Variants in HECW1 observed in about 807,000 individuals in gnomAD.
The protein encoded by HECW1 is E3 ubiquitin-protein ligase HECW1.
HECW1 carries 61 observed loss-of-function variants against 182.3 expected under a neutral mutation model. That is an observed-to-expected ratio of 0.33 (90% confidence interval 0.27 to 0.41). The LOEUF (loss-of-function observed/expected upper bound fraction) is 0.41. HECW1 is among the 10% of genes least tolerant of loss of function. The pLI, the probability that HECW1 is intolerant of heterozygous loss-of-function variation, is 1.00. For missense variants in HECW1, 1,739 were observed against 2,108.9 expected, an observed-to-expected ratio of 0.82 and a Z score of 3.44; for synonymous variants, 859 against 832.6, an observed-to-expected ratio of 1.03 and a Z score of -0.55.
chr7:43,311,076 G>A (rs73689976), intron 3 of HECW1, among the ~76,000 whole-genome samples: 1,725 of 152,296 alleles, frequency 0.011, 37 homozygotes, highest in African/African-American at 0.04. Flanking sequence ...ATACAAAAAT[G>A]CATTTTTTCT....
At chr7:43,357,560 G>A (rs2152809959) in intron 5 of HECW1, among the ~76,000 whole-genome samples, 1 of 152,244 alleles carries the variant, frequency 6.6e-6, no homozygotes, top group Admixed American at 6.5e-5. Flanking sequence ...CAGAGACCAA[G>A]AAAGGTAGAA....
intron 16 of HECW1, among the ~76,000 whole-genome samples, chr7:43,470,530 C>T (rs2077977524): frequency 1.3e-5 from 2 of 152,192 alleles, no homozygotes; most frequent in South Asian, 4.2e-4. Context: ...TGTGACATCT[C>T]CTGGTCATCA....
intron 5 of HECW1, among the ~76,000 whole-genome samples, chr7:43,340,513 G>C (rs552990852): frequency 1.3e-5 from 2 of 151,336 alleles, no homozygotes; most frequent in Non-Finnish European, 1.5e-5. Context: ...GAGCCACTGC[G>C]CCCGGCCTCT....
At chr7:43,258,064 G>A (rs1800768521) in intron 3 of HECW1, among the ~76,000 whole-genome samples, 1 of 152,144 alleles carries the variant, frequency 6.6e-6, no homozygotes, top group Non-Finnish European at 1.5e-5. Context: ...TAAAGGCCAG[G>A]CGTGGTGGCT....
chr7:43,328,290 C>G (rs1811048114), intron 5 of HECW1, among the ~76,000 whole-genome samples: 1 of 151,038 alleles, frequency 6.6e-6, no homozygotes, highest in South Asian at 2.1e-4. Context: ...GGAGCAAGAC[C>G]TTGTCTCAAA....
At chr7:43,400,575 A>C (rs937966918) in intron 7 of HECW1, among the ~76,000 whole-genome samples, 2 of 152,214 alleles carry the variant, frequency 1.3e-5, no homozygotes, top group Non-Finnish European at 2.9e-5. Flanking sequence ...GAGAAGTAAA[A>C]TATTTATCAC....
chr7:43,358,051 T>G (rs1262166418), intron 5 of HECW1, among the ~76,000 whole-genome samples: 2 of 152,182 alleles, frequency 1.3e-5, no homozygotes, highest in Non-Finnish European at 2.9e-5. Context: ...TCAAAGGCAT[T>G]GAAATAATTT....
In HECW1 at chr7:43,312,104, A is replaced by G; in HGVS notation, c.352+17A>G. On this transcript the variant is annotated intron_variant, in intron 4 of 29. Transcript: ENST00000395891. ...ACCTCATTGGTGAGTAGAATGTGCC[A>G]AGTGTATTATTCATAATTCACTTTT... is the stretch of plus-strand genomic sequence containing the variant. 1 of 1,598,370 alleles carries G rather than the reference A, an allele frequency of 6.3e-7. No individual in the cohort carries two copies. Among genetic ancestry groups the G allele is most frequent in the South Asian group, 1.1e-5 (1 of 90,638 alleles).
At chr7:43,400,729 G>A (rs1164749509) in intron 7 of HECW1, among the ~76,000 whole-genome samples, 2 of 152,138 alleles carry the variant, frequency 1.3e-5, no homozygotes, top group Non-Finnish European at 2.9e-5. Flanking sequence ...GCTTTCTCTT[G>A]CTGCTATAAC....
intron 6 of HECW1, among the ~76,000 whole-genome samples, chr7:43,373,628 T>C (rs1469779818): frequency 1.3e-5 from 2 of 152,208 alleles, no homozygotes; most frequent in African/African-American, 4.8e-5. Flanking sequence ...TTTTTAATTG[T>C]GGTAAAATAT....
In HECW1 at chr7:43,479,740, G is replaced by C. The variant is rs267601513; in HGVS notation, c.3230G>C (p.Gly1077Ala). 1 of 1,613,832 alleles carries C rather than the reference G, an allele frequency of 6.2e-7. No individual in the cohort carries two copies. Among genetic ancestry groups the C allele is most frequent in the South Asian group, 1.1e-5 (1 of 91,052 alleles). ...HLQRLRSYSAGEASEVSRNRG... is the reference protein window; with the variant it reads ...HLQRLRSYSAAEASEVSRNRG... ...CAGAGGCTCCGAAGTTACAGCGCTGGAGAGGTAACCCTCCCTACACCCCGC... is the reference window on the plus strand; with the variant it reads ...CAGAGGCTCCGAAGTTACAGCGCTGCAGAGGTAACCCTCCCTACACCCCGC... The change falls in exon 17 of 30, where the codon GGA becomes GCA. Residue 1077 changes from glycine (G) to alanine (A), a missense_variant. Gly to Ala is a moderately conservative substitution (Grantham distance 60). Coordinates refer to ENST00000395891, the MANE Select transcript of HECW1 (RefSeq NM_015052.5).
chr7:43,550,357 G>A, intron 26 of HECW1, 88 bp from the exon 27 acceptor site: 1 of 1,433,900 alleles, frequency 7.0e-7, no homozygotes, highest in Non-Finnish European at 9.7e-7. Flanking sequence ...AGGATTTTTG[G>A]CATACGGTCA....
Position 43,552,354 on chromosome 7 carries a change from G to T in HECW1, c.4510+18G>T. The stretch of plus-strand genomic sequence containing the variant: ...CCGGGGAGGTGAGTGGGCAGGAGCT[G>T]TAATGATGCAATGATCACAAATAGA... On this transcript the variant is annotated intron_variant, in intron 28 of 29. Coordinates refer to ENST00000395891, the MANE Select transcript of HECW1 (RefSeq NM_015052.5). 3 of 1,389,202 alleles carry T rather than the reference G, an allele frequency of 2.2e-6. No individual in the cohort carries two copies. The highest frequency in any genetic ancestry group is 3.1e-6 in the Non-Finnish European group (3 of 974,478). 86.1% of individuals were successfully genotyped at this position (1,389,202 alleles called of 1,614,324 possible). A position where few individuals can be genotyped will look rare whatever the true frequency, so the allele number is the denominator to read the frequency against.
intron 6 of HECW1, among the ~76,000 whole-genome samples, chr7:43,375,267 T>TGCA (rs2074279378): frequency 6.6e-6 from 1 of 152,108 alleles, no homozygotes; most frequent in Non-Finnish European, 1.5e-5. Flanking sequence ...AGCACAAAGA[T>TGCA]GTGCTTGGTA....
At chr7:43,425,461 C>T (rs947487187) in intron 8 of HECW1, among the ~76,000 whole-genome samples, 1 of 152,176 alleles carries the variant, frequency 6.6e-6, no homozygotes, top group African/African-American at 2.4e-5. Flanking sequence ...TTATATTCAG[C>T]TTACCTCTCT....
chr7:43,149,646 CT>C (rs1282808053), intron 2 of HECW1, among the ~76,000 whole-genome samples: 12 of 152,140 alleles, frequency 7.9e-5, no homozygotes, highest in African/African-American at 2.7e-4. Context: ...TAAGAGGATG[CT>C]TGGTGGAAGA....
intron 2 of HECW1, among the ~76,000 whole-genome samples, chr7:43,236,360 T>C (rs1042440210): frequency 6.6e-6 from 1 of 152,206 alleles, no homozygotes; most frequent in Non-Finnish European, 1.5e-5. Context: ...GAATTCAAAG[T>C]GTCTGACACA....
intron 2 of HECW1, among the ~76,000 whole-genome samples, chr7:43,181,013 C>T (rs557739568): frequency 3.9e-5 from 6 of 152,206 alleles, no homozygotes; most frequent in African/African-American, 1.4e-4. Context: ...CCCCTAACCT[C>T]CTCAGCCTGT....
chr7:43,222,065 C>T (rs958619214), intron 2 of HECW1, among the ~76,000 whole-genome samples: 2 of 152,082 alleles, frequency 1.3e-5, no homozygotes, highest in Non-Finnish European at 1.5e-5. Context: ...TTCATATGGA[C>T]GTTAAGGTTT....
Sources: gnomAD v4.1 joint callset for allele counts (sites outside exome capture counted in the v4.1 genomes callset) on GRCh38, gnomAD v4.1.1 for gene constraint, MANE v1.5 for transcripts, NCBI Gene and HGNC (gene_info 2026-07-23, HGNC 2026-07-21) for gene names.